WDFY3: variants seen among roughly 807,000 people sequenced by gnomAD.
WDFY3 encodes the protein WD repeat and FYVE domain-containing protein 3.
In WDFY3, 66 loss-of-function variants were observed where a neutral mutation model predicts 409.6. That is an observed-to-expected ratio of 0.16 (90% CI 0.13 to 0.20). The LOEUF is 0.20. Ranked by LOEUF, WDFY3 falls within the 10% of genes least tolerant of loss-of-function variation. WDFY3 has a pLI of 1.00. For missense variants in WDFY3, 3,031 were observed against 4,298.1 expected (o/e 0.71, Z 8.24); for synonymous variants, 1,521 against 1,537.1 (o/e 0.99, Z 0.25).
At chr4:84,737,124 A>C in intron 41 of WDFY3, 60 bp downstream of exon 41, 30 of 1,565,342 alleles carry the variant, frequency 1.9e-5, no homozygotes, top group Non-Finnish European at 2.5e-5. Flanking sequence ...TATTTAAAGT[A>C]TACCCATATA....
chr4:84,761,425 A>T (rs988561989), intron 32 of WDFY3, among the ~76,000 whole-genome samples: 2 of 151,982 alleles, frequency 1.3e-5, no homozygotes, highest in Non-Finnish European at 2.9e-5. Flanking sequence ...CTCCCATTAT[A>T]AATGTGTGGG....
chr4:84,808,316 CTCTTA>C lies in WDFY3; in HGVS notation c.2429+13_2429+17del. 1 of 1,602,772 alleles carries C rather than the reference CTCTTA, an allele frequency of 6.2e-7. No individual in the cohort carries two copies. Among genetic ancestry groups the C allele is most frequent in the Non-Finnish European group, 8.5e-7 (1 of 1,170,794 alleles). On this transcript the variant is annotated intron_variant, in intron 15 of 67. Coordinates refer to ENST00000295888, the MANE Select transcript of WDFY3 (RefSeq NM_014991.6). ...ACCCCACACAAATAGAGACTGACTT[CTCTTA>C]TATGATCAGTACCTTTTCCTGGACA...
At chr4:84,953,195 A>G (rs1278762509) in intron 1 of WDFY3, among the ~76,000 whole-genome samples, 1 of 152,100 alleles carries the variant, frequency 6.6e-6, no homozygotes, top group African/African-American at 2.4e-5. Context: ...CAAAAGAAAA[A>G]TATTGCATGA....
intron 4 of WDFY3, among the ~76,000 whole-genome samples, chr4:84,859,711 G>C (rs573373637): frequency 1.3e-5 from 2 of 152,236 alleles, no homozygotes; most frequent in South Asian, 4.2e-4. Context: ...GAATAGCTGG[G>C]ATTACAGGCA....
intron 2 of WDFY3, among the ~76,000 whole-genome samples, chr4:84,912,856 C>T (rs915722666): frequency 1.3e-5 from 2 of 152,084 alleles, no homozygotes; most frequent in Non-Finnish European, 2.9e-5. Context: ...TGAGCAAATG[C>T]AGTTGGGTTT....
chr4:84,715,776 GA>G (rs370627075), intron 49 of WDFY3, among the ~76,000 whole-genome samples: 508 of 46,462 alleles, frequency 0.011, no homozygotes, highest in Middle Eastern at 0.027. Flanking sequence ...CTCTGTCTCA[GA>G]AAAAAAAAAA....
At chr4:84,784,891 T>TATATATATATATAC (rs1238884117) in intron 24 of WDFY3, among the ~76,000 whole-genome samples, 41 of 36,924 alleles carry the variant, frequency 1.1e-3, no homozygotes, top group South Asian at 2.1e-3. Context: ...TATATATATA[T>TATATATATATATAC]ACACACACAC....
chr4:84,900,351 G>A (rs868401487), intron 2 of WDFY3, among the ~76,000 whole-genome samples: 3 of 151,854 alleles, frequency 2.0e-5, no homozygotes, highest in East Asian at 3.9e-4. Flanking sequence ...TTAGCCTCCC[G>A]AGTATCTGGG....
At chr4:84,907,933 A>AGAGGAG in intron 2 of WDFY3, among the ~76,000 whole-genome samples, 1 of 152,260 alleles carries the variant, frequency 6.6e-6, no homozygotes, top group South Asian at 2.1e-4. Flanking sequence ...AGGAAGAGGA[A>AGAGGAG]GAGGAGGAGG....
At chr4:84,862,643 G>T (rs1336604857) in intron 3 of WDFY3, among the ~76,000 whole-genome samples, 4 of 152,094 alleles carry the variant, frequency 2.6e-5, no homozygotes, top group Non-Finnish European at 4.4e-5. Flanking sequence ...ATAATCTAGA[G>T]ATAGTGGATA....
At chr4:84,892,353 A>G (rs537880082) in intron 3 of WDFY3, among the ~76,000 whole-genome samples, 2 of 152,066 alleles carry the variant, frequency 1.3e-5, no homozygotes, top group East Asian at 3.9e-4. Flanking sequence ...CATGTGTGTA[A>G]GAATCTCCAA....
intron 5 of WDFY3, among the ~76,000 whole-genome samples, chr4:84,844,192 T>G (rs1022283490): frequency 6.6e-6 from 1 of 152,124 alleles, no homozygotes; most frequent in East Asian, 1.9e-4. Flanking sequence ...ATGCAAAACA[T>G]GTTAATAAGT....
chr4:84,920,493 G>A lies in WDFY3; in HGVS notation c.-132+11777C>T, dbSNP rs564342692. Among the ~76,000 whole-genome samples the A allele has an allele frequency of 2.6e-5, 4 of 152,256 alleles. No homozygotes were observed. In the South Asian group the frequency reaches 6.2e-4, roughly 24 times the overall value. The stretch of plus-strand genomic sequence containing the variant: ...ATATATACATATAAACATGCACAAA[G>A]TGAGAAAGAGTAATAAAGCATTTGG... On this transcript the variant is annotated intron_variant, in intron 2 of 67. Transcript: ENST00000295888.
intron 2 of WDFY3, among the ~76,000 whole-genome samples, chr4:84,900,562 A>T (rs533758886): frequency 6.6e-6 from 1 of 152,206 alleles, no homozygotes; most frequent in Non-Finnish European, 1.5e-5. Context: ...TCTCAAAGGC[A>T]TTATGCTGAG....
At chr4:84,786,765 C>G (rs1220873145) in intron 23 of WDFY3, among the ~76,000 whole-genome samples, 4 of 152,182 alleles carry the variant, frequency 2.6e-5, no homozygotes, top group African/African-American at 9.7e-5. Context: ...CAGCTACATC[C>G]TTCATGTGTA....
intron 49 of WDFY3, among the ~76,000 whole-genome samples, chr4:84,715,942 A>G (rs111287969): frequency 1.3e-5 from 2 of 151,478 alleles, no homozygotes; most frequent in Non-Finnish European, 2.9e-5. Context: ...TTATAATTAT[A>G]ATTTTATAAA....
chr4:84,788,194 G>A (rs545514506), intron 22 of WDFY3, among the ~76,000 whole-genome samples: 18 of 152,204 alleles, frequency 1.2e-4, no homozygotes, highest in African/African-American at 4.3e-4. Flanking sequence ...AAGAGATAAA[G>A]AACTTAAGTT....
At chr4:84,745,095 G>A (rs1326792249) in intron 36 of WDFY3, among the ~76,000 whole-genome samples, 1 of 151,748 alleles carries the variant, frequency 6.6e-6, no homozygotes, top group Non-Finnish European at 1.5e-5. Flanking sequence ...GTAGTCTACT[G>A]ACAACAATTC....
chr4:84,955,935 G>A (rs1017415268), intron 1 of WDFY3, among the ~76,000 whole-genome samples: 6 of 151,954 alleles, frequency 3.9e-5, no homozygotes, highest in East Asian at 3.9e-4. Context: ...CTCAGAGCAA[G>A]GCAATAAAAC....
Sources: gnomAD v4.1 joint callset for allele counts (sites outside exome capture counted in the v4.1 genomes callset) on GRCh38, gnomAD v4.1.1 for gene constraint, MANE v1.5 for transcripts, NCBI Gene and HGNC (gene_info 2026-07-23, HGNC 2026-07-21) for gene names.